BICRAL: variants seen among roughly 807,000 people sequenced by gnomAD.
The protein encoded by BICRAL is BRD4-interacting chromatin-remodeling complex-associated protein-like.
Under a neutral mutation model 91.8 loss-of-function variants are expected in BICRAL, and 8 were observed. That is an observed-to-expected ratio of 0.09 (90% CI 0.05 to 0.16). BICRAL has a LOEUF of 0.16. Ranked by LOEUF, BICRAL falls within the 10% of genes least tolerant of loss-of-function variation. BICRAL has a pLI of 1.00. For synonymous variants in BICRAL, 445 were observed against 491.1 expected (o/e 0.91, Z 1.24); for missense variants, 1,038 against 1,310.9 (o/e 0.79, Z 3.21).
chr6:42,844,311 C>T (rs1384853628), intron 6 of BICRAL, among the ~76,000 whole-genome samples: 1 of 149,664 alleles, frequency 6.7e-6, no homozygotes, highest in Non-Finnish European at 1.5e-5. Context: ...AGATGAAGAC[C>T]ATTCTGGCTA....
At chr6:42,773,847 T>G (rs1327140176) in intron 1 of BICRAL, among the ~76,000 whole-genome samples, 1 of 152,262 alleles carries the variant, frequency 6.6e-6, no homozygotes. Context: ...GATGGCCCAT[T>G]GCAGCTTTGA....
At chr6:42,768,255 A>C (rs915742737) in intron 1 of BICRAL, among the ~76,000 whole-genome samples, 1 of 152,262 alleles carries the variant, frequency 6.6e-6, no homozygotes, top group Non-Finnish European at 1.5e-5. Flanking sequence ...TGATTAGGTC[A>C]GCTGGCCGGA....
Position 42,829,769 on chromosome 6 carries a change from C to G in BICRAL, c.1436C>G (p.Ala479Gly). ...AVHLVSGQTFAASGSPVIANH... is the reference protein window; with the variant it reads ...AVHLVSGQTFGASGSPVIANH... ...CACTTAGTGTCTGGGCAGACATTTGCTGCCTCTGGAAGTCCAGTGATAGCC... is the reference window on the plus strand; with the variant it reads ...CACTTAGTGTCTGGGCAGACATTTGGTGCCTCTGGAAGTCCAGTGATAGCC... Residue 479 changes from alanine (A) to glycine (G), a missense_variant, in exon 6 of 13, where the codon GCT (alanine) becomes GGT (glycine). By Grantham distance (60) the Ala-to-Gly change is moderately conservative (BLOSUM62 0). Coordinates refer to ENST00000314073, the MANE Select transcript of BICRAL (RefSeq NM_001393499.1). The G allele has an allele frequency of 6.2e-7, 1 of 1,614,152 alleles. No individual in the cohort carries two copies. The highest frequency in any genetic ancestry group is 8.5e-7 in the Non-Finnish European group (1 of 1,180,008).
chr6:42,778,559 G>T (rs1416762006), upstream of BICRAL, among the ~76,000 whole-genome samples: 1 of 152,152 alleles, frequency 6.6e-6, no homozygotes, highest in Admixed American at 6.5e-5. Flanking sequence ...TCTTTAAAAA[G>T]CCTGCAATGC....
intron 2 of BICRAL, among the ~76,000 whole-genome samples, chr6:42,811,668 C>CAG (rs899255719): frequency 6.6e-6 from 1 of 150,852 alleles, no homozygotes; most frequent in Non-Finnish European, 1.5e-5. Context: ...CCCAGAGTAC[C>CAG]AGAGAGAGAG....
Position 42,826,424 on chromosome 6 carries a change from G to A in BICRAL, c.160-2069G>A, listed in dbSNP as rs368195685. Among the ~76,000 whole-genome samples the A allele has an allele frequency of 4.2e-4, 64 of 151,828 alleles. 3 individuals are homozygous for A. The East Asian group carries it at 8.8e-3, about 21-fold the overall frequency. On this transcript the variant is annotated intron_variant, in intron 5 of 12. Transcript: ENST00000314073. ...TAATTTTTGTATTTTTAGTAGAAAC[G>A]AGGTTTCACCCAGTTGGCCAGGCTG...
Position 42,829,981 on chromosome 6 carries a change from C to G in BICRAL, c.1648C>G (p.His550Asp). 6.2e-7 allele frequency: 1 copy of G among 1,614,196 alleles called. No homozygotes were observed. Among genetic ancestry groups the G allele is most frequent in the Non-Finnish European group, 8.5e-7 (1 of 1,180,022 alleles). Residue 550 changes from histidine to aspartate, a missense_variant, in exon 6 of 13, where the codon CAT (histidine) becomes GAT (aspartate). Transcript: ENST00000314073. ...FPAVSSASTA[H>D]PSLGSAVQSG... Reference sequence around the variant, plus strand: ...TGCTGTCAGCTCAGCCAGCACTGCCCATCCTAGTCTTGGGTCTGCAGTTCA... The same window carrying G: ...TGCTGTCAGCTCAGCCAGCACTGCCGATCCTAGTCTTGGGTCTGCAGTTCA...
upstream of BICRAL, among the ~76,000 whole-genome samples, chr6:42,780,700 AC>A (rs1488842733): frequency 1.3e-5 from 2 of 152,046 alleles, no homozygotes; most frequent in Non-Finnish European, 2.9e-5. Context: ...CTACAAAGGC[AC>A]CTGCTCCCAC....
chr6:42,796,703 T>A (rs989056100), intron 1 of BICRAL, among the ~76,000 whole-genome samples: 1 of 152,042 alleles, frequency 6.6e-6, no homozygotes, highest in Non-Finnish European at 1.5e-5. Context: ...GGATGTTTTT[T>A]TGAAGGTATA....
chr6:42,771,301 A>T lies in BICRAL; in HGVS notation c.-260-10538A>T, dbSNP rs1298839648. ...GCCGCTGCGCCCGTGCATCCGTCAC[A>T]GGTACAATTCGCACCGGAACTTGCG... is the stretch of plus-strand genomic sequence containing the variant. On this transcript the variant is annotated intron_variant, in intron 1 of 14. Transcript: ENST00000614467. 2.6e-5 allele frequency among the ~76,000 whole-genome samples: 4 copies of T among 152,344 alleles called. No homozygotes were observed. In the East Asian group the frequency reaches 7.7e-4, roughly 29 times the overall value.
At chr6:42,848,567 G>A (rs1256836957) in intron 6 of BICRAL, among the ~76,000 whole-genome samples, 1 of 152,102 alleles carries the variant, frequency 6.6e-6, no homozygotes, top group African/African-American at 2.4e-5. Context: ...AATTATGGCC[G>A]GGAGCAGTGG....
intron 1 of BICRAL, among the ~76,000 whole-genome samples, chr6:42,787,902 AT>A (rs969940075): frequency 1.6e-4 from 23 of 145,446 alleles, no homozygotes; most frequent in African/African-American, 2.3e-4. Flanking sequence ...TTTTTTTTTA[AT>A]TTTTTTTTAA....
rs376705165 is a variant in BICRAL at position 42,857,239 on chromosome 6, A to G, written c.2254+3A>G. 6.2e-7 allele frequency: 1 copy of G among 1,612,102 alleles called. No homozygotes were observed. The highest frequency in any genetic ancestry group is 8.5e-7 in the Non-Finnish European group (1 of 1,178,690). On this transcript the variant is annotated splice_donor_region_variant and intron_variant, in intron 10 of 12. Transcript: ENST00000314073. ...CACTGAAGAAGACTTGAGAAAAGGT[A>G]AGCAGGCTGGGACCCTAAGGCACCA...
rs989054840 is a variant in BICRAL, at chr6:42,809,430, ATTTTTTTTT to A, written c.-101-861_-101-853del. Among the ~76,000 whole-genome samples the A allele has an allele frequency of 7.0e-3, 786 of 111,934 alleles. 6 individuals are homozygous for A. The highest frequency in any genetic ancestry group is 0.022 in the African/African-American group (675 of 30,022). 73.4% of individuals were successfully genotyped at this position (111,934 alleles called of 152,430 possible). A position where few individuals can be genotyped will look rare whatever the true frequency, so the allele number is the denominator to read the frequency against. ...ATTGTCGTCTTTTCCAACTATGAGA[ATTTTTTTTT>A]TTTTTTTTTTTTTTGAGACAGAGTT... On this transcript the variant is annotated intron_variant, in intron 1 of 12. Transcript: ENST00000314073.
chr6:42,842,611 C>T (rs1020471704), intron 6 of BICRAL, among the ~76,000 whole-genome samples: 1 of 152,118 alleles, frequency 6.6e-6, no homozygotes, highest in African/African-American at 2.4e-5. Flanking sequence ...AATTCTTCCC[C>T]TCCTTCAAGG....
In BICRAL at chr6:42,829,481, G is replaced by A; in HGVS notation, c.1148G>A (p.Gly383Asp). 1 of 1,614,142 alleles carries A rather than the reference G, an allele frequency of 6.2e-7. No individual in the cohort carries two copies. Among genetic ancestry groups the A allele is most frequent in the East Asian group, 2.2e-5 (1 of 44,878 alleles). The stretch of plus-strand genomic sequence containing the variant: ...TCACAGGCAGTGAGCAGCACTGGGG[G>A]CAGTATTGTTATTCATTCCCCCATG... ...VTSQAVSSTGGSIVIHSPMGQ... is the reference protein window; with the variant it reads ...VTSQAVSSTGDSIVIHSPMGQ... Residue 383 changes from glycine to aspartate, a missense_variant, in exon 6 of 13, where the codon GGC becomes GAC. Around this residue, in one of 5 missense-constraint regions of BICRAL, gnomAD observed 532 missense variants for 724.9 expected, o/e 0.73. Transcript: ENST00000314073.
chr6:42,862,961 C>T (rs759646658), intron 12 of BICRAL, among the ~76,000 whole-genome samples: 4 of 152,088 alleles, frequency 2.6e-5, no homozygotes, highest in Non-Finnish European at 5.9e-5. Context: ...CGATTATTTC[C>T]AGCATTAACA....
At chr6:42,864,264 C>T (rs750629445) in intron 12 of BICRAL, among the ~76,000 whole-genome samples, 5 of 151,972 alleles carry the variant, frequency 3.3e-5, no homozygotes, top group African/African-American at 7.2e-5. Context: ...TGCTTGAACC[C>T]GGGAGGCAAA....
At chr6:42,787,012 G>T (rs1763121487) in intron 1 of BICRAL, among the ~76,000 whole-genome samples, 1 of 152,080 alleles carries the variant, frequency 6.6e-6, no homozygotes, top group Admixed American at 6.6e-5. Flanking sequence ...AAAATAACTG[G>T]CTATTTAGAG....
Sources: allele counts gnomAD v4.1 joint callset (sites outside exome capture counted in the v4.1 genomes callset), GRCh38; gene constraint gnomAD v4.1.1; regional missense constraint gnomAD v4.1.1; transcripts MANE v1.5; gene names NCBI Gene and HGNC (gene_info 2026-07-23, HGNC 2026-07-21).